Variants in CRAMP1 observed in about 807,000 individuals in gnomAD.
CRAMP1 encodes cramped chromatin regulator 1, also known as protein cramped-like.
A neutral mutation model predicts 115.4 loss-of-function variants in CRAMP1; 50 were observed. The observed-to-expected ratio is 0.43, with a 90% CI of 0.35 to 0.55. The LOEUF (loss-of-function observed/expected upper bound fraction) is 0.55, where lower values mean the gene tolerates loss of function less well. Among genes scored for constraint, CRAMP1 ranks in the 20% least tolerant of loss-of-function variants. The pLI, the probability that CRAMP1 is intolerant of heterozygous loss-of-function variation, is 0.01. For synonymous variants in CRAMP1, 866 were observed against 745.4 expected (o/e 1.16, Z -2.64); for missense variants, 1,679 against 1,721.7 (o/e 0.98, Z 0.44).
intron 8 of CRAMP1, among the ~76,000 whole-genome samples, chr16:1,654,272 C>T (rs926779862): frequency 1.3e-5 from 2 of 149,416 alleles, no homozygotes; most frequent in Non-Finnish European, 3.0e-5. Flanking sequence ...GTGCAAATGG[C>T]GCAGTCTCGG....
chr16:1,626,285 C>A, intron 3 of CRAMP1, 119 bp downstream of exon 3: 1 of 975,360 alleles, frequency 1.0e-6, no homozygotes, highest in Non-Finnish European at 1.5e-6. Context: ...CTGGGCGACC[C>A]CCGCAGTGGC....
intron 3 of CRAMP1, 127 bp from the exon 4 acceptor site, chr16:1,632,085 A>T: frequency 1.0e-6 from 1 of 994,180 alleles, no homozygotes. Flanking sequence ...AAGAGCTTGG[A>T]AGGGCTGCTT....
intron 3 of CRAMP1, among the ~76,000 whole-genome samples, chr16:1,626,459 C>G (rs542024714): frequency 6.6e-6 from 1 of 152,094 alleles, no homozygotes; most frequent in Non-Finnish European, 1.5e-5. Context: ...CAAAGATGTT[C>G]TTGACTGAAG....
rs2036812427 is a variant in CRAMP1, at chr16:1,659,955, C to G, written c.2305C>G (p.Pro769Ala). ...CCAGGAGGAGCAGTCGATGACGCCC[C>G]CAGGGAAGGTGGTGACCGTCAGCTC... ...PAQEEQSMTP[P>A]GKVVTVSSRS... The change falls in exon 11 of 21, where the codon CCA (proline) becomes GCA (alanine). Residue 769 changes from proline (P) to alanine (A), a missense_variant. Pro to Ala is a conservative substitution (Grantham distance 27). This residue lies in a region of CRAMP1 where 709 missense variants were observed against 741.9 expected (regional missense o/e 0.96). Coordinates refer to ENST00000397412, the MANE Select transcript of CRAMP1 (RefSeq NM_020825.4). The G allele has an allele frequency of 1.9e-6, 3 of 1,611,210 alleles. No homozygotes were observed. The highest frequency in any genetic ancestry group is 2.5e-6 in the Non-Finnish European group (3 of 1,179,848).
At chr16:1,649,209 A>G (rs1567455564) in intron 6 of CRAMP1, among the ~76,000 whole-genome samples, 1 of 152,200 alleles carries the variant, frequency 6.6e-6, no homozygotes, top group East Asian at 1.9e-4. Flanking sequence ...CTCTTTGGTC[A>G]GGCTTTCCAA....
rs534702752 is a variant in CRAMP1 at position 1,670,768 on chromosome 16, C to T, written c.3604C>T (p.Arg1202Trp). ...LGPSLLDGNS[R>W]DSFVSRSLAD... The stretch of plus-strand genomic sequence containing the variant: ...CCCCAGCTTGTTGGATGGAAACTCG[C>T]GGGACTCATTTGTGTCCAGGTCCCT... Residue 1202 changes from arginine to tryptophan, a missense_variant, in exon 20 of 21, where the codon CGG becomes TGG. Coordinates refer to ENST00000397412, the MANE Select transcript of CRAMP1 (RefSeq NM_020825.4). 9.9e-6 allele frequency: 16 copies of T among 1,613,862 alleles called. No individual in the cohort carries two copies. The highest frequency in any genetic ancestry group is 1.4e-5 in the Non-Finnish European group (16 of 1,179,900).
At chr16:1,619,209 C>G (rs1424444519) in intron 2 of CRAMP1, among the ~76,000 whole-genome samples, 1 of 152,210 alleles carries the variant, frequency 6.6e-6, no homozygotes, top group South Asian at 2.1e-4. Flanking sequence ...GAGACGGAGT[C>G]TCATTCTGTC....
intron 6 of CRAMP1, chr16:1,645,431 TC>T: frequency 1.0e-5 from 2 of 192,802 alleles, no homozygotes; most frequent in Non-Finnish European, 2.3e-5. Context: ...CAGGTTATCC[TC>T]CCACCTTGGC....
chr16:1,659,837 AT>A, intron 10 of CRAMP1, 48 bp from the exon 11 acceptor site: 1 of 1,565,308 alleles, frequency 6.4e-7, no homozygotes, highest in Non-Finnish European at 8.8e-7. Context: ...CGCAAGAGCC[AT>A]TTCTCATGTG....
At chr16:1,652,815 G>A (rs2036736084) in intron 7 of CRAMP1, among the ~76,000 whole-genome samples, 1 of 152,192 alleles carries the variant, frequency 6.6e-6, no homozygotes, top group Non-Finnish European at 1.5e-5. Flanking sequence ...TGTCAGGATC[G>A]AGTCTCCTAT....
intron 9 of CRAMP1, 37 bp downstream of exon 9, chr16:1,655,337 CGCTGCCTCT>C (rs1236047228): frequency 3.9e-6 from 6 of 1,547,188 alleles, no homozygotes; most frequent in Non-Finnish European, 4.5e-6. Flanking sequence ...ATCCAGGCTG[CGCTGCCTCT>C]GCTGCCCAGA....
chr16:1,644,549 T>G (rs2142188690), intron 6 of CRAMP1, among the ~76,000 whole-genome samples: 1 of 152,148 alleles, frequency 6.6e-6, no homozygotes, highest in Admixed American at 6.5e-5. Flanking sequence ...GGTGCAGACA[T>G]GGCAACTGGC....
chr16:1,636,056 C>T (rs997729380), intron 4 of CRAMP1, among the ~76,000 whole-genome samples: 3 of 152,136 alleles, frequency 2.0e-5, no homozygotes, highest in East Asian at 1.9e-4. Flanking sequence ...TAAAGCTTTC[C>T]GAGTCATGGG....
intron 8 of CRAMP1, among the ~76,000 whole-genome samples, chr16:1,653,837 A>C (rs1041021932): frequency 2.7e-4 from 38 of 143,072 alleles, no homozygotes; most frequent in African/African-American, 4.7e-4. Context: ...AAAAAAAAAA[A>C]CAAACAAAAA....
intron 6 of CRAMP1, chr16:1,647,139 G>A: frequency 1.4e-6 from 1 of 693,776 alleles, no homozygotes. Flanking sequence ...TATTTGACTT[G>A]CTGTCGCCTC....
chr16:1,660,409 TTC>T (rs1338975442), intron 11 of CRAMP1, among the ~76,000 whole-genome samples: 1 of 152,214 alleles, frequency 6.6e-6, no homozygotes, highest in Non-Finnish European at 1.5e-5. Flanking sequence ...GTTGTTTTTT[TTC>T]TGTTTTTCTT....
At chr16:1,673,514 C>G (rs1249179323) in intron 20 of CRAMP1, among the ~76,000 whole-genome samples, 1 of 145,954 alleles carries the variant, frequency 6.9e-6, no homozygotes, top group South Asian at 2.1e-4. Flanking sequence ...TCCCGGCACT[C>G]TCTGTCCCCT....
chr16:1,637,751 G>A lies in CRAMP1; in HGVS notation c.695-73G>A, dbSNP rs559752169. On this transcript the variant is annotated intron_variant, in intron 4 of 20. Transcript: ENST00000397412. ...ATCCAAGAAACCACGTGAGCCTGGTGTGGCTCTCACACCCAAGCCAGGCAG... is the reference window on the plus strand; with the variant it reads ...ATCCAAGAAACCACGTGAGCCTGGTATGGCTCTCACACCCAAGCCAGGCAG... 94 of 656,054 alleles carry A rather than the reference G, an allele frequency of 1.4e-4. No homozygotes were observed. The African/African-American group carries it at 1.6e-3, about 11-fold the overall frequency. The allele number at this position is 656,054 out of a possible 1,614,324, so 40.6% of individuals were successfully genotyped here.
At chr16:1,641,244 C>A in intron 6 of CRAMP1, 57 bp downstream of exon 6, 4 of 1,272,354 alleles carry the variant, frequency 3.1e-6, no homozygotes, top group Non-Finnish European at 4.6e-6. Context: ...TGTTTATTCT[C>A]TAAAATACAG....
Sources: gnomAD v4.1 joint callset for allele counts (sites outside exome capture counted in the v4.1 genomes callset) on GRCh38, gnomAD v4.1.1 for gene constraint, gnomAD v4.1.1 regional missense constraint, MANE v1.5 for transcripts, NCBI Gene and HGNC (gene_info 2026-07-23, HGNC 2026-07-21) for gene names.